Variants in PCNX1 observed in about 807,000 individuals in gnomAD.
PCNX1 encodes the protein pecanex 1.
Under a neutral mutation model 242.2 loss-of-function variants are expected in PCNX1, and 78 were observed. The ratio of observed to expected loss-of-function variants is 0.32; its 90% confidence interval spans 0.27 to 0.39. The LOEUF (loss-of-function observed/expected upper bound fraction) is 0.39. Ranked by LOEUF, PCNX1 falls within the 10% of genes least tolerant of loss-of-function variation. The pLI is 1.00. For synonymous variants in PCNX1, 1,024 were observed against 1,032.9 expected (o/e 0.99, Z 0.17); for missense variants, 2,581 against 2,856.5 (o/e 0.90, Z 2.20).
Position 71,009,624 on chromosome 14 carries a change from T to C in PCNX1, c.2630-10T>C. 6.8e-7 allele frequency: 1 copy of C among 1,477,154 alleles called. No homozygotes were observed. Among genetic ancestry groups the C allele is most frequent in the Non-Finnish European group, 9.3e-7 (1 of 1,078,236 alleles). 91.5% of individuals were successfully genotyped at this position (1,477,154 alleles called of 1,614,324 possible). ...CTAATGGCTTTTTAAAATAATCATT[T>C]ATTTGCTAGGTAAGTTCTCTTCTAC... On this transcript the variant is annotated splice_polypyrimidine_tract_variant and intron_variant, in intron 8 of 35. Coordinates refer to ENST00000304743, the MANE Select transcript of PCNX1 (RefSeq NM_014982.3).
chr14:71,006,945 G>A (rs1000429914), intron 8 of PCNX1, among the ~76,000 whole-genome samples: 6 of 152,058 alleles, frequency 3.9e-5, no homozygotes, highest in Non-Finnish European at 7.4e-5. Flanking sequence ...AATGCCATGC[G>A]TATTTTTAAG....
chr14:71,109,675 T>G (rs2062715490), intron 35 of PCNX1, 83 bp downstream of exon 35: 22 of 1,580,636 alleles, frequency 1.4e-5, no homozygotes, highest in Non-Finnish European at 1.9e-5. Flanking sequence ...TTAGCTGATT[T>G]ATACTTAAAC....
In PCNX1 at chr14:70,962,269, G is replaced by A. The variant is rs1363923033; in HGVS notation, c.406G>A (p.Ala136Thr). Residue 136 changes from alanine to threonine, a missense_variant, in exon 3 of 36, where the codon GCC becomes ACC. By Grantham distance (58) the Ala-to-Thr change is moderately conservative. Transcript: ENST00000304743. ...GIEMSEFIRE[A>T]TPPVGCSSRN... ...TGAAATGTCTGAGTTCATCCGAGAG[G>A]CCACACCCCCAGTTGGTTGCAGTTC... The A allele has an allele frequency of 6.2e-7, 1 of 1,613,614 alleles. No individual in the cohort carries two copies.
intron 7 of PCNX1, among the ~76,000 whole-genome samples, chr14:70,992,563 C>T (rs2059199885): frequency 3.0e-5 from 1 of 33,518 alleles, no homozygotes; most frequent in African/African-American, 2.6e-4. Context: ...AGCAGTATAA[C>T]AGAATGTGTC....
intron 1 of PCNX1, among the ~76,000 whole-genome samples, chr14:70,940,098 G>A (rs111379634): frequency 2.6e-4 from 39 of 152,126 alleles, no homozygotes; most frequent in African/African-American, 7.7e-4. Context: ...GCCAGTCTGT[G>A]TCTTTTAATT....
intron 1 of PCNX1, among the ~76,000 whole-genome samples, chr14:70,926,768 ATTC>A: frequency 6.6e-6 from 1 of 152,286 alleles, no homozygotes; most frequent in Admixed American, 6.5e-5. Context: ...AAAAAATCTT[ATTC>A]TTTTTACATA....
At chr14:71,028,819 T>C in intron 16 of PCNX1, 28 bp downstream of exon 16, 1 of 1,328,016 alleles carries the variant, frequency 7.5e-7, no homozygotes, top group Non-Finnish European at 1.1e-6. Flanking sequence ...GTATGTTTTG[T>C]CTTTAAGGCT....
chr14:70,907,818 C>G lies in PCNX1; in HGVS notation c.-33C>G. The G allele has an allele frequency of 8.1e-7, 1 of 1,239,246 alleles. No individual in the cohort carries two copies. The highest frequency in any genetic ancestry group is 1.0e-6 in the Non-Finnish European group (1 of 989,718). The allele number at this position is 1,239,246 out of a possible 1,614,324, so 76.8% of individuals were successfully genotyped here. A position where few individuals can be genotyped will look rare whatever the true frequency, so the allele number is the denominator to read the frequency against. On this transcript the variant is annotated 5_prime_UTR_variant, in exon 1 of 36. Transcript: ENST00000304743. ...GGGGCCGGGGCGGGGACGGCGGCGGCGGCGGCGGCGACGGCGGCGGCGCCG... is the reference window on the plus strand; with the variant it reads ...GGGGCCGGGGCGGGGACGGCGGCGGGGGCGGCGGCGACGGCGGCGGCGCCG...
In PCNX1 at chr14:70,949,210, CAT is replaced by C. The variant is rs1170700154; in HGVS notation, c.362+2088_362+2089del. Reference sequence around the variant, plus strand: ...CATTTACTCATAGTGTGTATATACACATGTATATATAGATATATGTATGTGTA... The same window carrying C: ...CATTTACTCATAGTGTGTATATACACGTATATATAGATATATGTATGTGTA... On this transcript the variant is annotated intron_variant, in intron 2 of 35. Coordinates refer to ENST00000304743, the MANE Select transcript of PCNX1 (RefSeq NM_014982.3). Among the ~76,000 whole-genome samples, 14 of 132,604 alleles carry C rather than the reference CAT, an allele frequency of 1.1e-4. No individual in the cohort carries two copies. In the East Asian group the frequency reaches 1.4e-3, roughly 13 times the overall value. The allele number at this position is 132,604 out of a possible 152,430, so 87.0% of individuals were successfully genotyped here.
intron 1 of PCNX1, among the ~76,000 whole-genome samples, chr14:70,940,942 A>G (rs2057215456): frequency 1.3e-5 from 2 of 152,154 alleles, no homozygotes; most frequent in Non-Finnish European, 2.9e-5. Flanking sequence ...TGCATGCATC[A>G]CGTAGTTCTC....
At chr14:71,102,297 CAG>C (rs2062484845) in intron 31 of PCNX1, 77 bp downstream of exon 31, 2 of 970,960 alleles carry the variant, frequency 2.1e-6, no homozygotes, top group African/African-American at 1.6e-5. Context: ...TTTTTTGAGA[CAG>C]AGTCTCACTT....
Position 71,111,226 on chromosome 14 carries a change from T to C in PCNX1, c.*1291T>C, listed in dbSNP as rs1484211948. ...TATTCAGGGAAATATATTACTCATA[T>C]TTACAATTGGGCGATATAGGAACTT... On this transcript the variant is annotated 3_prime_UTR_variant, in exon 36 of 36. Transcript: ENST00000304743. 1.3e-5 allele frequency: 2 copies of C among 152,616 alleles called. No individual in the cohort carries two copies. Among genetic ancestry groups the C allele is most frequent in the Non-Finnish European group, 2.9e-5 (2 of 68,030 alleles). 9.5% of individuals were successfully genotyped at this position (152,616 alleles called of 1,614,324 possible).
intron 6 of PCNX1, among the ~76,000 whole-genome samples, chr14:70,979,020 T>C (rs1366948966): frequency 6.6e-6 from 1 of 152,180 alleles, no homozygotes; most frequent in Non-Finnish European, 1.5e-5. Context: ...CCAGTTTTAA[T>C]CAACTCTTAT....
At chr14:70,989,534 A>AAT (rs2059097155) in intron 7 of PCNX1, among the ~76,000 whole-genome samples, 1 of 126,364 alleles carries the variant, frequency 7.9e-6, no homozygotes, top group Admixed American at 8.9e-5. Context: ...ACAGATATAA[A>AAT]TTTTTTTTTT....
chr14:70,941,533 C>T (rs995533909), intron 1 of PCNX1, among the ~76,000 whole-genome samples: 9 of 152,188 alleles, frequency 5.9e-5, no homozygotes, highest in African/African-American at 1.7e-4. Flanking sequence ...AGGTGTCAGT[C>T]GACCCGTACT....
At chr14:71,004,934 ATCTC>A (rs1206273287) in intron 8 of PCNX1, among the ~76,000 whole-genome samples, 1 of 152,134 alleles carries the variant, frequency 6.6e-6, no homozygotes, top group Non-Finnish European at 1.5e-5. Flanking sequence ...CTGCCCATAT[ATCTC>A]TCTTTGTTTT....
At chr14:70,951,014 A>T (rs1296713735) in intron 2 of PCNX1, among the ~76,000 whole-genome samples, 1 of 152,080 alleles carries the variant, frequency 6.6e-6, no homozygotes, top group Non-Finnish European at 1.5e-5. Flanking sequence ...TTATATAAAT[A>T]TACAATAAAT....
Position 71,103,611 on chromosome 14 carries a change from C to T in PCNX1, c.6037C>T (p.Leu2013Phe), listed in dbSNP as rs753799896. The T allele has an allele frequency of 5.0e-6, 8 of 1,614,034 alleles. No homozygotes were observed. Among genetic ancestry groups the T allele is most frequent in the South Asian group, 1.1e-5 (1 of 91,088 alleles). The change falls in exon 32 of 36, where the codon CTT becomes TTT. Residue 2013 changes from leucine to phenylalanine, a missense_variant. Transcript: ENST00000304743. ...CAGCCACGAACAGCTTAAAGACATT[C>T]TTGGGGGTCCTATCAGCTTGGGAAA... The part of the protein sequence containing the change: ...SDSHEQLKDI[L>F]GGPISLGNIR...
chr14:71,108,574 TTGAG>T (rs1173270121), intron 33 of PCNX1, 26 bp from the exon 34 acceptor site: 2 of 1,551,952 alleles, frequency 1.3e-6, no homozygotes. Flanking sequence ...TCATTCTACT[TTGAG>T]TGAGTGCTGC....
Sources: allele counts gnomAD v4.1 joint callset (sites outside exome capture counted in the v4.1 genomes callset), GRCh38; gene constraint gnomAD v4.1.1; transcripts MANE v1.5; gene names NCBI Gene and HGNC (gene_info 2026-07-23, HGNC 2026-07-21).